SYT17: variants seen among roughly 807,000 people sequenced by gnomAD.
The protein encoded by SYT17 is synaptotagmin-17.
In SYT17, 22 loss-of-function variants were observed where a neutral mutation model predicts 46.7. The ratio of observed to expected loss-of-function variants is 0.47; its 90% CI spans 0.34 to 0.67. SYT17 has a LOEUF of 0.67. Among genes scored for constraint, SYT17 ranks in the 30% least tolerant of loss-of-function variants. The probability of loss-of-function intolerance (pLI) is 0.01; values close to 1 mark genes in which losing one functional copy is unlikely to be tolerated. For synonymous variants in SYT17, 251 were observed against 248.4 expected, an observed-to-expected ratio of 1.01 and a Z score of -0.10; for missense variants, 519 against 612.8, an observed-to-expected ratio of 0.85 and a Z score of 1.62.
intron 5 of SYT17, among the ~76,000 whole-genome samples, chr16:19,210,835 A>G (rs148127165): frequency 2.0e-3 from 305 of 152,364 alleles, no homozygotes; most frequent in Non-Finnish European, 3.5e-3. Flanking sequence ...GTGTGCGCAC[A>G]TTTGAAACCC....
intron 3 of SYT17, among the ~76,000 whole-genome samples, chr16:19,175,847 A>G (rs891804907): frequency 3.3e-5 from 5 of 152,108 alleles, no homozygotes; most frequent in African/African-American, 1.2e-4. Context: ...AGTGCCAATC[A>G]TCAGTTGAAA....
chr16:19,178,619 A>C (rs1964417639), intron 3 of SYT17, among the ~76,000 whole-genome samples: 8 of 152,132 alleles, frequency 5.3e-5, no homozygotes, highest in Admixed American at 5.2e-4. Context: ...AGAACATCAG[A>C]TCAGTCTCAT....
rs549200234 is a variant in SYT17, at chr16:19,251,053, A to G, written c.1229-15827A>G. Among the ~76,000 whole-genome samples the G allele has an allele frequency of 2.6e-4, 40 of 152,276 alleles. 1 individual carries two copies. In the East Asian group the frequency reaches 5.4e-3, roughly 21 times the overall value. ...TTTTTCTATTCACATTTTGAGGATA[A>G]TAGTGTTTCAGAGTGTCACTATACC... On this transcript the variant is annotated intron_variant, in intron 7 of 7. Transcript: ENST00000355377.
intron 7 of SYT17, among the ~76,000 whole-genome samples, chr16:19,260,336 CAAAAA>C (rs34504914): frequency 2.2e-4 from 5 of 22,890 alleles, no homozygotes; most frequent in South Asian, 6.9e-3. Context: ...CAGAAAATAC[CAAAAA>C]AAAAAAAAAA....
At chr16:19,171,825 T>C (rs1261683707) in intron 1 of SYT17, 3 of 152,188 alleles carry the variant, frequency 2.0e-5, no homozygotes, top group Non-Finnish European at 2.9e-5. Flanking sequence ...TGGACGTGGC[T>C]GTCTCCAAGC....
chr16:19,200,232 G>T (rs1965408393), intron 5 of SYT17, among the ~76,000 whole-genome samples: 1 of 152,194 alleles, frequency 6.6e-6, no homozygotes, highest in Non-Finnish European at 1.5e-5. Flanking sequence ...TACAACATGG[G>T]CTGCATATTA....
chr16:19,222,920 T>C, intron 5 of SYT17, 125 bp from the exon 6 acceptor site: 2 of 1,244,596 alleles, frequency 1.6e-6, no homozygotes, highest in South Asian at 3.1e-5. Context: ...ACACAGAGGC[T>C]CCCACTGTCA....
intron 5 of SYT17, among the ~76,000 whole-genome samples, chr16:19,216,988 C>A (rs1051423397): frequency 6.6e-6 from 1 of 152,174 alleles, no homozygotes; most frequent in African/African-American, 2.4e-5. Flanking sequence ...CTAATTTACA[C>A]TCCTGCCAAC....
intron 1 of SYT17, 64 bp from the exon 2 acceptor site, chr16:19,172,696 T>G (rs964658665): frequency 4.4e-6 from 7 of 1,602,368 alleles, no homozygotes; most frequent in African/African-American, 1.4e-5. Flanking sequence ...TGGTCTTGTC[T>G]CTCTTTCTTT....
intron 6 of SYT17, 23 bp from the exon 7 acceptor site, chr16:19,224,660 A>G (rs1240333743): frequency 1.9e-6 from 3 of 1,613,274 alleles, no homozygotes; most frequent in Non-Finnish European, 8.5e-7. Flanking sequence ...CCAACATTCT[A>G]TGATGCTGTG....
At chr16:19,256,724 G>A (rs954536904) in intron 7 of SYT17, among the ~76,000 whole-genome samples, 26 of 151,864 alleles carry the variant, frequency 1.7e-4, no homozygotes, top group Non-Finnish European at 7.4e-5. Context: ...GACCACAGGC[G>A]TGCACCAACA....
At position 19,237,332 on chromosome 16, in the gene SYT17, C is replaced by A. The variant is rs528728046; in HGVS notation, c.1228+12494C>A. On this transcript the variant is annotated intron_variant, in intron 7 of 7. Transcript: ENST00000355377. ...CTGTATTCTAATAAGTTCCAGGTGA[C>A]ACCTGTGCTGGTCTGAGACCCACAC... is the stretch of plus-strand genomic sequence containing the variant. Among the ~76,000 whole-genome samples the A allele has an allele frequency of 6.6e-5, 10 of 152,270 alleles. No individual in the cohort carries two copies. In the East Asian group the frequency reaches 1.9e-3, roughly 29 times the overall value.
chr16:19,187,587 G>A (rs1303706490), intron 5 of SYT17, among the ~76,000 whole-genome samples: 3 of 152,184 alleles, frequency 2.0e-5, no homozygotes, highest in Non-Finnish European at 1.5e-5. Flanking sequence ...ATACTAGTGA[G>A]GCAAGAAGCT....
Position 19,220,303 on chromosome 16 carries a change from C to CTTTCTTTCTTTTTTTT in SYT17, c.952-2739_952-2738insCTTTCTTTTTTTTTTT, listed in dbSNP as rs776097400. Among the ~76,000 whole-genome samples the CTTTCTTTCTTTTTTTT allele has an allele frequency of 1.7e-3, 139 of 80,498 alleles. 1 individual carries two copies. In the Admixed American group the frequency reaches 0.02, roughly 12 times the overall value. The allele number at this position is 80,498 out of a possible 152,430, so 52.8% of individuals were successfully genotyped here. A position where few individuals can be genotyped will look rare whatever the true frequency, so the allele number is the denominator to read the frequency against. On this transcript the variant is annotated intron_variant, in intron 5 of 7. Transcript: ENST00000355377. ...TTCAATGACATTTCTTTCTTTCTTT[C>CTTTCTTTCTTTTTTTT]TTTTTTTTTTTTTTTTTGAGATGAA...
At chr16:19,266,263 A>G (rs181597652) in intron 7 of SYT17, among the ~76,000 whole-genome samples, 216 of 152,310 alleles carry the variant, frequency 1.4e-3, no homozygotes, top group Non-Finnish European at 2.0e-3. Flanking sequence ...CCCGTTTGGG[A>G]TGCATTGGCC....
chr16:19,244,124 A>C (rs575809573), intron 7 of SYT17, among the ~76,000 whole-genome samples: 1 of 152,170 alleles, frequency 6.6e-6, no homozygotes, highest in Non-Finnish European at 1.5e-5. Context: ...AGTACTTTAT[A>C]AGCACTGTCT....
intron 7 of SYT17, among the ~76,000 whole-genome samples, chr16:19,253,873 G>T (rs572178920): frequency 3.1e-4 from 47 of 152,092 alleles, no homozygotes; most frequent in Non-Finnish European, 4.7e-4. Flanking sequence ...GATTACAGGC[G>T]CCTGCCACCA....
intron 3 of SYT17, among the ~76,000 whole-genome samples, chr16:19,179,327 G>T (rs1022519154): frequency 2.6e-5 from 4 of 152,158 alleles, no homozygotes; most frequent in African/African-American, 9.6e-5. Flanking sequence ...ACAGAGTTCT[G>T]CCATGTTGCC....
Position 19,224,829 on chromosome 16 carries a change from G to T in SYT17, c.1219G>T (p.Val407Leu). The T allele has an allele frequency of 6.2e-7, 1 of 1,614,016 alleles. No individual in the cohort carries two copies. The highest frequency in any genetic ancestry group is 8.5e-7 in the Non-Finnish European group (1 of 1,179,910). The change falls in exon 7 of 8, where the codon GTG (valine) becomes TTG (leucine). Residue 407 changes from valine to leucine, a missense_variant. Coordinates refer to ENST00000355377, the MANE Select transcript of SYT17 (RefSeq NM_016524.4). ...PQEELENASL[V>L]FTVFGHNMKS... The stretch of plus-strand genomic sequence containing the variant: ...AGAAGAACTGGAAAATGCCAGCCTA[G>T]TGTTTACAGGTAGGTAGCATTCCAA...
Sources: gnomAD v4.1 joint callset for allele counts (sites outside exome capture counted in the v4.1 genomes callset) on GRCh38, gnomAD v4.1.1 for gene constraint, MANE v1.5 for transcripts, NCBI Gene and HGNC (gene_info 2026-07-23, HGNC 2026-07-21) for gene names.